FAM219A: variants seen among roughly 807,000 people sequenced by gnomAD.
FAM219A encodes the protein protein FAM219A.
In FAM219A, 7 loss-of-function variants were observed where a neutral mutation model predicts 23.4. The observed-to-expected ratio is 0.30, with a 90% CI of 0.17 to 0.56. FAM219A has a LOEUF of 0.56. Ranked by LOEUF, FAM219A falls within the 20% of genes least tolerant of loss-of-function variation. The pLI, the probability that FAM219A is intolerant of heterozygous loss-of-function variation, is 0.92. For synonymous variants in FAM219A, 93 were observed against 99.0 expected (o/e 0.94, Z 0.36); for missense variants, 166 against 246.9 (o/e 0.67, Z 2.20).
In FAM219A at chr9:34,424,668, GC is replaced by G. The variant is rs748103471; in HGVS notation, c.61-18705del. 1.2e-3 allele frequency among the ~76,000 whole-genome samples: 188 copies of G among 152,302 alleles called. 2 individuals are homozygous for G. The highest frequency in any genetic ancestry group is 1.4e-3 in the Admixed American group (21 of 15,292). On this transcript the variant is annotated intron_variant, in intron 1 of 5. Coordinates refer to ENST00000651358, the MANE Select transcript of FAM219A (RefSeq NM_001184940.2). ...AGCCAACACGGACCTACCAGGAGTG[GC>G]CTGAGAATCCAGAACACAGAGAGGA...
intron 1 of FAM219A, among the ~76,000 whole-genome samples, chr9:34,437,121 T>C (rs1456042433): frequency 1.3e-5 from 2 of 152,174 alleles, no homozygotes; most frequent in Non-Finnish European, 2.9e-5. Context: ...CAGGAAAGCC[T>C]TGAAGCCAAT....
rs962508069 is a variant in FAM219A at position 34,415,994 on chromosome 9, T to C, written c.61-10030A>G. On this transcript the variant is annotated intron_variant, in intron 1 of 5. Coordinates refer to ENST00000651358, the MANE Select transcript of FAM219A (RefSeq NM_001184940.2). ...TATAAGAAACCCAGCCTAGGCAAGA[T>C]AGCAAGAAGGTGACTCTCCAAAAAG... Among the ~76,000 whole-genome samples, 40 of 151,772 alleles carry C rather than the reference T, an allele frequency of 2.6e-4. 1 individual carries two copies. Among genetic ancestry groups the C allele is most frequent in the Admixed American group, 5.9e-4 (9 of 15,198 alleles).
rs962552743 is a variant in FAM219A, at chr9:34,457,845, C to T, written c.60+359G>A. On this transcript the variant is annotated intron_variant, in intron 1 of 5. Coordinates refer to ENST00000651358, the MANE Select transcript of FAM219A (RefSeq NM_001184940.2). This position sits in a 1 kb window ranked among gnomAD's most constrained non-coding sequence, Gnocchi z 5.1. ...GCCTCTAGGACTAAACGCCTCCCCA[C>T]CTCCCATCCCAGACCCCTGGGCCTG... 6.6e-6 allele frequency among the ~76,000 whole-genome samples: 1 copy of T among 152,222 alleles called. No individual in the cohort carries two copies. Among genetic ancestry groups the T allele is most frequent in the Non-Finnish European group, 1.5e-5 (1 of 68,040 alleles).
chr9:34,418,776 A>G (rs559458857), intron 1 of FAM219A, among the ~76,000 whole-genome samples: 4 of 152,122 alleles, frequency 2.6e-5, no homozygotes, highest in East Asian at 3.9e-4. Flanking sequence ...TAGATCTACA[A>G]TGGTTAAAAT....
At chr9:34,446,924 A>G (rs1252235710) in intron 1 of FAM219A, among the ~76,000 whole-genome samples, 1 of 152,186 alleles carries the variant, frequency 6.6e-6, no homozygotes, top group Admixed American at 6.5e-5. Context: ...ACTGAATTCC[A>G]TGCTTCTATT....
intron 1 of FAM219A, among the ~76,000 whole-genome samples, chr9:34,453,917 C>T (rs1413492493): frequency 1.3e-5 from 2 of 152,172 alleles, no homozygotes; most frequent in East Asian, 1.9e-4. Flanking sequence ...AACAATATAC[C>T]GAACTCAACC....
At chr9:34,406,055 T>G in intron 1 of FAM219A, 91 bp from the exon 2 acceptor site, 1 of 1,284,510 alleles carries the variant, frequency 7.8e-7, no homozygotes, top group Non-Finnish European at 1.1e-6. Context: ...CCACCTGCCC[T>G]CTGGGCTTCT....
At chr9:34,434,197 G>A (rs1335448022) in intron 1 of FAM219A, among the ~76,000 whole-genome samples, 47 of 89,330 alleles carry the variant, frequency 5.3e-4, no homozygotes, top group East Asian at 1.9e-3. Flanking sequence ...GCTAGACTCC[G>A]TCTCAAAAAA....
chr9:34,411,569 C>T (rs111588585), intron 1 of FAM219A, among the ~76,000 whole-genome samples: 19,698 of 150,294 alleles, frequency 0.13, 1,589 homozygotes, highest in Non-Finnish European at 0.18. Flanking sequence ...CCTAGCTACT[C>T]GGGAGGCTGA....
At chr9:34,414,509 C>T (rs1821930904) in intron 1 of FAM219A, among the ~76,000 whole-genome samples, 1 of 152,094 alleles carries the variant, frequency 6.6e-6, no homozygotes, top group African/African-American at 2.4e-5. Flanking sequence ...GCACATGTAT[C>T]CCAGAACTTA....
intron 1 of FAM219A, among the ~76,000 whole-genome samples, chr9:34,416,530 G>A (rs1216593359): frequency 6.6e-6 from 1 of 152,062 alleles, no homozygotes; most frequent in African/African-American, 2.4e-5. Context: ...TTGGGAGGCC[G>A]AAGCAGGAGG....
rs564397930 is a variant in FAM219A at position 34,408,240 on chromosome 9, C to T, written c.61-2276G>A. 2.0e-5 allele frequency among the ~76,000 whole-genome samples: 3 copies of T among 152,210 alleles called. No homozygotes were observed. The East Asian group carries it at 5.8e-4, about 29-fold the overall frequency. ...TCATCCTCCCTGGCTCAGCAACCTC[C>T]TTGAGAGACTAATAGACAGCACCTG... On this transcript the variant is annotated intron_variant, in intron 1 of 5. Coordinates refer to ENST00000651358, the MANE Select transcript of FAM219A (RefSeq NM_001184940.2).
In FAM219A at chr9:34,458,194, G is replaced by GC; in HGVS notation, c.60+9dup. 6.3e-7 allele frequency: 1 copy of GC among 1,579,294 alleles called. No homozygotes were observed. Among genetic ancestry groups the GC allele is most frequent in the Non-Finnish European group, 8.6e-7 (1 of 1,168,074 alleles). On this transcript the variant is annotated intron_variant, in intron 1 of 5. Coordinates refer to ENST00000651358, the MANE Select transcript of FAM219A (RefSeq NM_001184940.2). The surrounding 1 kb of genome is among the most constrained non-coding windows in gnomAD (Gnocchi z 6.6). The stretch of plus-strand genomic sequence containing the variant: ...TCCGGCCTTGGCCTGCCCGCCGCCC[G>GC]CCCCCTCACCAGCGGCTGCATCTCC...
chr9:34,434,030 G>A (rs575152784), intron 1 of FAM219A, among the ~76,000 whole-genome samples: 5 of 151,894 alleles, frequency 3.3e-5, no homozygotes, highest in East Asian at 1.9e-4. Context: ...GTGAAACCCC[G>A]TCTCTACTAA....
chr9:34,445,770 C>T (rs1823347860), intron 1 of FAM219A, among the ~76,000 whole-genome samples: 1 of 152,174 alleles, frequency 6.6e-6, no homozygotes, highest in Non-Finnish European at 1.5e-5. Context: ...GCCTGTTTAC[C>T]TTTCTGGGAG....
intron 1 of FAM219A, among the ~76,000 whole-genome samples, chr9:34,430,705 G>A (rs1465939019): frequency 2.0e-5 from 3 of 150,178 alleles, no homozygotes; most frequent in Non-Finnish European, 3.0e-5. Context: ...AGCTGGGCAC[G>A]GTGGTACATG....
rs2131914139 is a variant in FAM219A at position 34,398,517 on chromosome 9, C to T, written c.*2447G>A. On this transcript the variant is annotated 3_prime_UTR_variant, in exon 6 of 6. Coordinates refer to ENST00000651358, the MANE Select transcript of FAM219A (RefSeq NM_001184940.2). ...GAAGCTGCCACTGCCAGCTTCCTGC[C>T]TCTCTCTGCCACACATGCACTGCCT... is the stretch of plus-strand genomic sequence containing the variant. 2.7e-6 allele frequency: 2 copies of T among 753,784 alleles called. No individual in the cohort carries two copies. Among genetic ancestry groups the T allele is most frequent in the Non-Finnish European group, 4.3e-6 (2 of 464,534 alleles). 46.7% of individuals were successfully genotyped at this position (753,784 alleles called of 1,614,324 possible). A position where few individuals can be genotyped will look rare whatever the true frequency, so the allele number is the denominator to read the frequency against.
chr9:34,438,373 CG>C (rs924497662), intron 1 of FAM219A, among the ~76,000 whole-genome samples: 1 of 152,228 alleles, frequency 6.6e-6, no homozygotes, highest in Non-Finnish European at 1.5e-5. Flanking sequence ...CCTGCAGCAC[CG>C]GTGCGGGATC....
At chr9:34,456,926 C>G (rs1038620426) in intron 1 of FAM219A, among the ~76,000 whole-genome samples, 4 of 152,306 alleles carry the variant, frequency 2.6e-5, no homozygotes. Context: ...TGATGGGTCC[C>G]TGCCGAGGCC....
Sources: gnomAD v4.1 joint callset for allele counts (sites outside exome capture counted in the v4.1 genomes callset) on GRCh38, gnomAD v4.1.1 for gene constraint, Gnocchi (gnomAD v3.1) non-coding constraint, MANE v1.5 for transcripts, NCBI Gene and HGNC (gene_info 2026-07-23, HGNC 2026-07-21) for gene names.